Variants in ABCC6 observed in about 807,000 individuals in gnomAD.
The protein encoded by ABCC6 is ATP binding cassette subfamily C member 6.
Under a neutral mutation model 169.5 loss-of-function variants are expected in ABCC6, and 126 were observed. The observed-to-expected ratio is 0.74, with a 90% confidence interval of 0.64 to 0.86. The LOEUF (loss-of-function observed/expected upper bound fraction) is 0.86. Among genes scored for constraint, ABCC6 ranks in the 40% least tolerant of loss-of-function variants. ABCC6 has a pLI of 0.00. For synonymous variants in ABCC6, 752 were observed against 814.7 expected (o/e 0.92, Z 1.31); for missense variants, 1,733 against 1,927.2 (o/e 0.90, Z 1.89).
chr16:16,163,553 C>A (rs16967441), intron 23 of ABCC6, among the ~76,000 whole-genome samples: 34,737 of 152,106 alleles, frequency 0.23, 5,339 homozygotes, highest in African/African-American at 0.44. Context: ...AAGTGTCTCA[C>A]TTCCCAGCAC....
At chr16:16,187,355 C>T (rs1485294591) in intron 13 of ABCC6, 144 bp from the exon 14 acceptor site, 3 of 729,678 alleles carry the variant, frequency 4.1e-6, no homozygotes, top group Non-Finnish European at 7.2e-6. Context: ...CTTTCTAGTT[C>T]ATGGGAAACG....
intron 23 of ABCC6, 43 bp from the exon 24 acceptor site, chr16:16,163,235 CAT>C (rs777053081): frequency 6.3e-7 from 1 of 1,587,328 alleles, no homozygotes; most frequent in South Asian, 1.1e-5. Flanking sequence ...AAGCCACAGA[CAT>C]AGAGAGGTAG....
Position 16,169,929 on chromosome 16 carries a change from G to A in ABCC6, c.2788-76C>T. The A allele has an allele frequency of 2.1e-6, 3 of 1,457,116 alleles. No individual in the cohort carries two copies. The South Asian group carries it at 3.7e-5, about 18-fold the overall frequency. 90.3% of individuals were successfully genotyped at this position (1,457,116 alleles called of 1,614,324 possible). ...GGTGGGTTGAGGCAAGGCCAGGCGA[G>A]GCTCCCAGAAAACATGCCCATGGCA... On this transcript the variant is annotated intron_variant, in intron 21 of 30. Coordinates refer to ENST00000205557, the MANE Select transcript of ABCC6 (RefSeq NM_001171.6).
intron 21 of ABCC6, among the ~76,000 whole-genome samples, chr16:16,172,457 G>T (rs1377959516): frequency 1.1e-5 from 1 of 92,452 alleles, no homozygotes; most frequent in Admixed American, 1.1e-4. Flanking sequence ...GAGGGGGTGG[G>T]ATGGATGGAT....
Position 16,198,002 on chromosome 16 carries a change from T to C in ABCC6, c.1338+19A>G. The C allele has an allele frequency of 1.2e-6, 2 of 1,612,864 alleles. No individual in the cohort carries two copies. Among genetic ancestry groups the C allele is most frequent in the Non-Finnish European group, 1.7e-6 (2 of 1,179,446 alleles). ...GGTGGGGGACTCCGTTCAAATCCCG[T>C]CTTCCTCCTCTGGCATACCTGCCAG... is the stretch of plus-strand genomic sequence containing the variant. On this transcript the variant is annotated intron_variant, in intron 10 of 30. Transcript: ENST00000205557.
At chr16:16,187,851 C>T (rs935438009) in intron 13 of ABCC6, among the ~76,000 whole-genome samples, 2 of 152,000 alleles carry the variant, frequency 1.3e-5, no homozygotes, top group Non-Finnish European at 2.9e-5. Context: ...GAGCTGAGAT[C>T]GTGCCACTGC....
chr16:16,151,534 T>G (rs1347335486), intron 29 of ABCC6, among the ~76,000 whole-genome samples: 1 of 152,222 alleles, frequency 6.6e-6, no homozygotes, highest in South Asian at 2.1e-4. Flanking sequence ...TCCTAAGACA[T>G]TCAAGGCTGG....
At chr16:16,162,018 G>A (rs1160907033) in intron 24 of ABCC6, among the ~76,000 whole-genome samples, 1 of 152,114 alleles carries the variant, frequency 6.6e-6, no homozygotes, top group African/African-American at 2.4e-5. Flanking sequence ...ATCATATGGC[G>A]TAAAAGGATG....
At chr16:16,205,410 C>T (rs2048363660) in intron 7 of ABCC6, among the ~76,000 whole-genome samples, 1 of 152,222 alleles carries the variant, frequency 6.6e-6, no homozygotes, top group East Asian at 1.9e-4. Flanking sequence ...CCCAACCTCA[C>T]CATAATAAAA....
chr16:16,153,237 A>G (rs771313292), intron 29 of ABCC6, among the ~76,000 whole-genome samples: 15 of 152,220 alleles, frequency 9.9e-5, no homozygotes, highest in Admixed American at 2.6e-4. Flanking sequence ...ATACCTATAC[A>G]CCTATGTTCA....
chr16:16,192,973 C>T (rs1642825207), intron 10 of ABCC6, 51 bp from the exon 11 acceptor site: 1 of 1,514,712 alleles, frequency 6.6e-7, no homozygotes, highest in African/African-American at 1.4e-5. Context: ...GCCCAGCTCT[C>T]AGAGGCACGT....
rs769405586 is a variant in ABCC6, at chr16:16,178,934, C to T, written c.2279G>A (p.Arg760Gln). The T allele has an allele frequency of 2.7e-5, 43 of 1,613,176 alleles. No individual in the cohort carries two copies. The highest frequency in any genetic ancestry group is 4.5e-5 in the East Asian group (2 of 44,880). Residue 760 changes from arginine to glutamine, a missense_variant, in exon 18 of 31, where the codon CGG (arginine) becomes CAG (glutamine). This residue lies in a region of ABCC6 where 1,601 missense variants were observed against 1,635.5 expected (regional missense o/e 0.98). Coordinates refer to ENST00000205557, the MANE Select transcript of ABCC6 (RefSeq NM_001171.6). ...GTATACAGCCCGGGCCAGGCTCAGC[C>T]GCTGCTTCTGGCCTCCGGAGAGATT... is the stretch of plus-strand genomic sequence containing the variant. ...GMNLSGGQKQ[R>Q]LSLARAVYRK...
At chr16:16,220,906 AAAAC>A (rs1015158488) in intron 2 of ABCC6, among the ~76,000 whole-genome samples, 8 of 152,146 alleles carry the variant, frequency 5.3e-5, no homozygotes, top group South Asian at 4.2e-4. Context: ...TCAAAAAAAA[AAAAC>A]AAACAAAAAA....
At chr16:16,193,234 A>T (rs1309257011) in intron 10 of ABCC6, among the ~76,000 whole-genome samples, 1 of 152,302 alleles carries the variant, frequency 6.6e-6, no homozygotes, top group East Asian at 1.9e-4. Context: ...CAGCGCCATG[A>T]CAGTTTACAA....
At chr16:16,160,385 C>T (rs138952724) in intron 25 of ABCC6, among the ~76,000 whole-genome samples, 1 of 152,080 alleles carries the variant, frequency 6.6e-6, no homozygotes, top group East Asian at 1.9e-4. Flanking sequence ...TGCCTATAAT[C>T]CCAGCTTTTT....
chr16:16,162,993 C>T lies in ABCC6; in HGVS notation c.3506G>A (p.Arg1169Lys). The T allele has an allele frequency of 6.2e-7, 1 of 1,614,084 alleles. No homozygotes were observed. Among genetic ancestry groups the T allele is most frequent in the Non-Finnish European group, 8.5e-7 (1 of 1,180,030 alleles). The change falls in exon 24 of 31, where the codon AGG (arginine) becomes AAG (lysine). Residue 1169 changes from arginine (R) to lysine (K), a missense_variant and splice_region_variant. Physicochemically the swap from Arg to Lys is conservative, Grantham distance 26 (BLOSUM62 2). Coordinates refer to ENST00000205557, the MANE Select transcript of ABCC6 (RefSeq NM_001171.6). ...TCTTCTCTGCCCTGGCTCTTCCTACCTGTCAGCCACCAGTCGCGGGAAACT... is the reference window on the plus strand; with the variant it reads ...TCTTCTCTGCCCTGGCTCTTCCTACTTGTCAGCCACCAGTCGCGGGAAACT... ...RISFPRLVAD[R>K]WLAANVELLG...
chr16:16,151,114 G>A (rs888944101), intron 29 of ABCC6, among the ~76,000 whole-genome samples: 1 of 151,758 alleles, frequency 6.6e-6, no homozygotes, highest in Non-Finnish European at 1.5e-5. Flanking sequence ...ACCCAGGCTG[G>A]CGTGCAATGG....
chr16:16,169,888 A>G (rs2047004334), intron 21 of ABCC6, 35 bp from the exon 22 acceptor site: 1 of 1,544,512 alleles, frequency 6.5e-7, no homozygotes, highest in Non-Finnish European at 8.7e-7. Context: ...AGGCAGAGAG[A>G]GCCCCCAGTG....
intron 9 of ABCC6, among the ~76,000 whole-genome samples, chr16:16,200,087 A>G (rs1378051362): frequency 6.6e-6 from 1 of 151,476 alleles, no homozygotes; most frequent in East Asian, 2.0e-4. Context: ...AGACAAAACA[A>G]AAATATTTCT....
Sources: gnomAD v4.1 joint callset for allele counts (sites outside exome capture counted in the v4.1 genomes callset) on GRCh38, gnomAD v4.1.1 for gene constraint, gnomAD v4.1.1 regional missense constraint, MANE v1.5 for transcripts, NCBI Gene and HGNC (gene_info 2026-07-23, HGNC 2026-07-21) for gene names.